ERI3: variants seen among roughly 807,000 people sequenced by gnomAD.
ERI3 encodes ERI1 exoribonuclease family member 3.
In ERI3, 18 loss-of-function variants were observed where a neutral mutation model predicts 44.4. That is an observed-to-expected ratio of 0.41 (90% CI 0.28 to 0.60). ERI3 has a LOEUF of 0.60. ERI3 is among the 20% of genes least tolerant of loss of function. The pLI, the probability that ERI3 is intolerant of heterozygous loss-of-function variation, is 0.36. For synonymous variants in ERI3, 183 were observed against 164.8 expected, an observed-to-expected ratio of 1.11 and a Z score of -0.84; for missense variants, 294 against 435.5, an observed-to-expected ratio of 0.68 and a Z score of 2.89.
At chr1:44,354,626 T>A (rs1361686632) in intron 1 of ERI3, 1 of 985,406 alleles carries the variant, frequency 1.0e-6, no homozygotes. Context: ...ACAATCTCCA[T>A]GCTCCATTTC....
chr1:44,294,797 A>T (rs753206134), intron 6 of ERI3, among the ~76,000 whole-genome samples: 15 of 152,264 alleles, frequency 9.9e-5, no homozygotes, highest in Non-Finnish European at 1.8e-4. Flanking sequence ...TCCTTAGCAG[A>T]TTGAGCTGTC....
chr1:44,284,307 G>A (rs1645347855), intron 7 of ERI3, among the ~76,000 whole-genome samples: 1 of 152,132 alleles, frequency 6.6e-6, no homozygotes, highest in South Asian at 2.1e-4. Context: ...TGCCCAAAGG[G>A]AATTGGACTC....
intron 6 of ERI3, among the ~76,000 whole-genome samples, chr1:44,298,272 A>T (rs1171592853): frequency 6.6e-6 from 1 of 152,236 alleles, no homozygotes; most frequent in African/African-American, 2.4e-5. Flanking sequence ...CACAGGGGCC[A>T]GTCTCTCCCT....
At chr1:44,259,723 C>CACACACACACACACAA (rs1394413620) in intron 7 of ERI3, among the ~76,000 whole-genome samples, 23 of 147,602 alleles carry the variant, frequency 1.6e-4, no homozygotes, top group Admixed American at 1.4e-3. Flanking sequence ...CACACACACA[C>CACACACACACACACAA]AAATTAGCCA....
intron 7 of ERI3, chr1:44,284,097 AG>A (rs1174052468): frequency 2.3e-5 from 11 of 470,534 alleles, no homozygotes; most frequent in Non-Finnish European, 3.1e-5. Flanking sequence ...TATGGGGGTG[AG>A]TCTCCCTAGT....
In ERI3 at chr1:44,261,270, G is replaced by A. The variant is rs140708229; in HGVS notation, c.832-13232C>T. On this transcript the variant is annotated intron_variant, in intron 7 of 8. Coordinates refer to ENST00000372257, the MANE Select transcript of ERI3 (RefSeq NM_024066.3). ...AGATCTGAGAGCGTGGCACGCCCCAGCGGGCAGGGCGCACAGCGCGGAGGA... is the reference window on the plus strand; with the variant it reads ...AGATCTGAGAGCGTGGCACGCCCCAACGGGCAGGGCGCACAGCGCGGAGGA... Among the ~76,000 whole-genome samples the A allele has an allele frequency of 1.4e-3, 220 of 152,398 alleles. 1 individual carries two copies. Among genetic ancestry groups the A allele is most frequent in the African/African-American group, 5.0e-3 (210 of 41,600 alleles).
At chr1:44,224,876 T>C (rs1374268803) in intron 8 of ERI3, among the ~76,000 whole-genome samples, 1 of 152,182 alleles carries the variant, frequency 6.6e-6, no homozygotes, top group Non-Finnish European at 1.5e-5. Flanking sequence ...GTCAGTGGAA[T>C]GGCAGTCATG....
rs1404073772 is a variant in ERI3 at position 44,335,368 on chromosome 1, C to A, written c.489+3677G>T. ...AGACTCTGTCTCAAAAAAAAAAAAA[C>A]AAACAAAAAACAGAAAAGGGAGCTG... On this transcript the variant is annotated intron_variant, in intron 3 of 8. Coordinates refer to ENST00000372257, the MANE Select transcript of ERI3 (RefSeq NM_024066.3). 1.9e-3 allele frequency among the ~76,000 whole-genome samples: 274 copies of A among 144,808 alleles called. 1 individual carries two copies. Among genetic ancestry groups the A allele is most frequent in the Middle Eastern group, 7.4e-3 (2 of 270 alleles). 95.0% of individuals were successfully genotyped at this position (144,808 alleles called of 152,430 possible). A position where few individuals can be genotyped will look rare whatever the true frequency, so the allele number is the denominator to read the frequency against.
At chr1:44,270,570 G>A (rs1468306824) in intron 7 of ERI3, among the ~76,000 whole-genome samples, 1 of 152,210 alleles carries the variant, frequency 6.6e-6, no homozygotes, top group Non-Finnish European at 1.5e-5. Context: ...TCCAGAGCAA[G>A]CCCAGAATTC....
At position 44,281,875 on chromosome 1, in the gene ERI3, CAT is replaced by C. The variant is rs1491483603; in HGVS notation, c.831+2958_831+2959del. On this transcript the variant is annotated intron_variant, in intron 7 of 8. Transcript: ENST00000372257. ...ATACATGTGTATATTTATACATGTG[CAT>C]ATGTGTGTGTGTGTGTGTGTGTGTG... Among the ~76,000 whole-genome samples the C allele has an allele frequency of 1.0e-3, 85 of 81,940 alleles. 1 individual carries two copies. Among genetic ancestry groups the C allele is most frequent in the Admixed American group, 2.5e-3 (20 of 8,128 alleles). The allele number at this position is 81,940 out of a possible 152,430, so 53.8% of individuals were successfully genotyped here.
chr1:44,344,076 T>C (rs1292455131), intron 2 of ERI3, among the ~76,000 whole-genome samples: 2 of 151,746 alleles, frequency 1.3e-5, no homozygotes, highest in African/African-American at 4.8e-5. Context: ...CCATCTCTAC[T>C]AAAAATACAA....
At chr1:44,326,144 G>T (rs1646307752) in intron 3 of ERI3, among the ~76,000 whole-genome samples, 1 of 152,200 alleles carries the variant, frequency 6.6e-6, no homozygotes, top group Non-Finnish European at 1.5e-5. Flanking sequence ...ACCCTCGGAA[G>T]AAAATTCCAA....
At chr1:44,310,957 G>GCA (rs1645949627) in intron 5 of ERI3, among the ~76,000 whole-genome samples, 11 of 76,744 alleles carry the variant, frequency 1.4e-4, no homozygotes, top group African/African-American at 5.2e-4. Context: ...CACATCGCGC[G>GCA]CGCGCGCACA....
At chr1:44,318,676 C>T (rs1646139059) in intron 4 of ERI3, among the ~76,000 whole-genome samples, 1 of 152,244 alleles carries the variant, frequency 6.6e-6, no homozygotes, top group African/African-American at 2.4e-5. Context: ...CAAACAGGCT[C>T]ATCCCCAGCC....
At chr1:44,349,062 T>C (rs762378266) in intron 2 of ERI3, among the ~76,000 whole-genome samples, 1 of 152,214 alleles carries the variant, frequency 6.6e-6, no homozygotes, top group Non-Finnish European at 1.5e-5. Context: ...GGTCACACTT[T>C]GGTGAATTTC....
intron 7 of ERI3, among the ~76,000 whole-genome samples, chr1:44,253,787 C>T (rs1169857841): frequency 6.6e-6 from 1 of 152,156 alleles, no homozygotes. Flanking sequence ...CAGATAGAAG[C>T]CATGAGACTC....
At chr1:44,311,008 CACACACACGT>C in intron 5 of ERI3, among the ~76,000 whole-genome samples, 1 of 145,508 alleles carries the variant, frequency 6.9e-6, no homozygotes, top group East Asian at 2.0e-4. Context: ...CACACACACA[CACACACACGT>C]GCAGGAATCC....
chr1:44,257,819 C>T (rs1239925830), intron 7 of ERI3, among the ~76,000 whole-genome samples: 1 of 152,188 alleles, frequency 6.6e-6, no homozygotes, highest in African/African-American at 2.4e-5. Context: ...GCTGACCAAA[C>T]CCAACTCCCT....
chr1:44,258,886 T>A (rs1213818466), intron 7 of ERI3, among the ~76,000 whole-genome samples: 1 of 152,150 alleles, frequency 6.6e-6, no homozygotes, highest in Non-Finnish European at 1.5e-5. Flanking sequence ...ATGAGAAGGT[T>A]GAAATTCCAG....
Sources: allele counts gnomAD v4.1 joint callset (sites outside exome capture counted in the v4.1 genomes callset), GRCh38; gene constraint gnomAD v4.1.1; transcripts MANE v1.5; gene names NCBI Gene and HGNC (gene_info 2026-07-23, HGNC 2026-07-21).